LUC7L: variants seen among roughly 807,000 people sequenced by gnomAD.
The protein encoded by LUC7L is LUC7 like, also known as putative RNA-binding protein Luc7-like 1.
A neutral mutation model predicts 51.1 loss-of-function variants in LUC7L; 29 were observed. The observed-to-expected ratio is 0.57, with a 90% CI of 0.42 to 0.77. The LOEUF (loss-of-function observed/expected upper bound fraction) is 0.77. Ranked by LOEUF, LUC7L falls within the 30% of genes least tolerant of loss-of-function variation. LUC7L has a pLI of 0.00. For synonymous variants in LUC7L, 181 were observed against 180.7 expected (o/e 1.00, Z -0.01); for missense variants, 403 against 511.9 (o/e 0.79, Z 2.05).
chr16:212,153 C>T (rs1211380914), intron 3 of LUC7L, among the ~76,000 whole-genome samples: 3 of 152,094 alleles, frequency 2.0e-5, no homozygotes, highest in Non-Finnish European at 4.4e-5. Context: ...ATTACCCAGG[C>T]GTGGTGGTGC....
intron 5 of LUC7L, among the ~76,000 whole-genome samples, chr16:204,785 A>G (rs1331934408): frequency 4.6e-5 from 7 of 152,158 alleles, no homozygotes; most frequent in Non-Finnish European, 1.5e-5. Context: ...TTTTCTTGTA[A>G]TATCATGGCT....
In LUC7L at chr16:223,282, G is replaced by A. The variant is rs1355265041; in HGVS notation, c.157-2535C>T. ...GAGAATGGCATGAACCAGAGAGGCA[G>A]AGCTTGCAGTGAGTCAAGATCGCAC... is the stretch of plus-strand genomic sequence containing the variant. On this transcript the variant is annotated intron_variant, in intron 2 of 9. Coordinates refer to ENST00000293872, the MANE Select transcript of LUC7L (RefSeq NM_201412.3). 2.6e-5 allele frequency among the ~76,000 whole-genome samples: 4 copies of A among 152,088 alleles called. No homozygotes were observed. The East Asian group carries it at 7.8e-4, about 29-fold the overall frequency.
intron 6 of LUC7L, among the ~76,000 whole-genome samples, chr16:197,087 T>C (rs918724388): frequency 1.3e-5 from 2 of 151,542 alleles, no homozygotes; most frequent in Non-Finnish European, 2.9e-5. Flanking sequence ...TTTGTATTTT[T>C]AGTAGAGACG....
At chr16:226,387 G>A (rs1031842878) in intron 2 of LUC7L, among the ~76,000 whole-genome samples, 1 of 152,128 alleles carries the variant, frequency 6.6e-6, no homozygotes. Context: ...TCTCAGTGGC[G>A]TAATCACCAC....
Position 226,152 on chromosome 16 carries a change from C to T in LUC7L, c.156+1090G>A, listed in dbSNP as rs1024380413. Among the ~76,000 whole-genome samples the T allele has an allele frequency of 1.1e-4, 17 of 152,182 alleles. No individual in the cohort carries two copies. In the South Asian group the frequency reaches 3.3e-3, roughly 30 times the overall value. ...CAAGGAACAGAGGCACAAGGTTTGG[C>T]ATTCATTTCGCATTTGCTGTCAGAA... is the stretch of plus-strand genomic sequence containing the variant. On this transcript the variant is annotated intron_variant, in intron 2 of 9. Transcript: ENST00000293872.
chr16:229,327 C>A lies in LUC7L; in HGVS notation c.13G>T (p.Ala5Ser). 6.6e-7 allele frequency: 1 copy of A among 1,519,642 alleles called. No homozygotes were observed. The highest frequency in any genetic ancestry group is 8.8e-7 in the Non-Finnish European group (1 of 1,139,600). 94.1% of individuals were successfully genotyped at this position (1,519,642 alleles called of 1,614,324 possible). The change falls in exon 1 of 10, where the codon GCG becomes TCG. Residue 5 changes from alanine (A) to serine (S), a missense_variant. Ala to Ser is a moderately conservative substitution (Grantham distance 99, BLOSUM62 1). Coordinates refer to ENST00000293872, the MANE Select transcript of LUC7L (RefSeq NM_201412.3). MSAQ[A>S]QMRALLDQLM... ...TGGTCCAGCAGGGCCCGCATCTGCGCCTGGGCGGACATGGTAGCCGGCGGA... is the reference window on the plus strand; with the variant it reads ...TGGTCCAGCAGGGCCCGCATCTGCGACTGGGCGGACATGGTAGCCGGCGGA...
At chr16:218,120 G>C (rs561019473) in intron 3 of LUC7L, among the ~76,000 whole-genome samples, 2 of 151,938 alleles carry the variant, frequency 1.3e-5, no homozygotes, top group African/African-American at 4.8e-5. Context: ...TTGAACCCAG[G>C]AGGTGGAGGT....
chr16:205,891 A>C, intron 5 of LUC7L, 113 bp downstream of exon 5: 1 of 1,315,170 alleles, frequency 7.6e-7, no homozygotes, highest in South Asian at 1.4e-5. Flanking sequence ...GCTGGGCCCA[A>C]AATGTATAAA....
At position 189,256 on chromosome 16, in the gene LUC7L, C is replaced by T; in HGVS notation, c.1058G>A (p.Ser353Asn). The T allele has an allele frequency of 9.9e-6, 16 of 1,614,016 alleles. No homozygotes were observed. The highest frequency in any genetic ancestry group is 1.4e-5 in the Non-Finnish European group (16 of 1,180,012). The change falls in exon 10 of 10, where the codon AGC (serine) becomes AAC (asparagine). Residue 353 changes from serine to asparagine, a missense_variant. This residue lies in a region of LUC7L where 206 missense variants were observed against 218.3 expected (regional missense o/e 0.94). Coordinates refer to ENST00000293872, the MANE Select transcript of LUC7L (RefSeq NM_201412.3). ...CCGTGAAGCCATCTTCCCGTTGGAG[C>T]TCTCAAGCCTCCAGTCCGGGGGCCC... is the stretch of plus-strand genomic sequence containing the variant. ...ERGPPDWRLESSNGKMASRRS... is the reference protein window; with the variant it reads ...ERGPPDWRLENSNGKMASRRS...
intron 3 of LUC7L, 169 bp downstream of exon 3, chr16:220,479 AC>A: frequency 1.7e-6 from 1 of 596,154 alleles, no homozygotes; most frequent in South Asian, 2.2e-5. Context: ...AGGACGCTGG[AC>A]ACAACATATA....
chr16:203,918 A>C (rs1414923440), intron 5 of LUC7L, among the ~76,000 whole-genome samples: 1 of 151,852 alleles, frequency 6.6e-6, no homozygotes, highest in Non-Finnish European at 1.5e-5. Flanking sequence ...CGGGAGGCTG[A>C]GGCAGGAGAA....
chr16:224,894 A>G (rs2050086550), intron 2 of LUC7L, among the ~76,000 whole-genome samples: 1 of 151,904 alleles, frequency 6.6e-6, no homozygotes, highest in Non-Finnish European at 1.5e-5. Flanking sequence ...GAGCTCCCAA[A>G]AGAGTCCCTG....
chr16:195,836 T>C (rs754546324), intron 6 of LUC7L, among the ~76,000 whole-genome samples: 1 of 151,702 alleles, frequency 6.6e-6, no homozygotes, highest in Non-Finnish European at 1.5e-5. Flanking sequence ...CTACTGTGAG[T>C]GAGGCCTCCT....
chr16:219,701 C>T (rs909117691), intron 3 of LUC7L, among the ~76,000 whole-genome samples: 5 of 151,940 alleles, frequency 3.3e-5, no homozygotes, highest in Admixed American at 2.0e-4. Flanking sequence ...GGAGAAACAC[C>T]ATCTCTACTA....
rs1316613769 is a variant in LUC7L at position 220,891 on chromosome 16, A to C, written c.157-144T>G. ...TGCAATAAGAAAATTAAGAAAGGAG[A>C]TATGGCTGAGAAGCCTCATTTCACT... On this transcript the variant is annotated intron_variant, in intron 2 of 9. Transcript: ENST00000293872. 1.3e-5 allele frequency: 8 copies of C among 618,764 alleles called. No individual in the cohort carries two copies. In the Admixed American group the frequency reaches 2.5e-4, roughly 19 times the overall value. 38.3% of individuals were successfully genotyped at this position (618,764 alleles called of 1,614,324 possible). A position where few individuals can be genotyped will look rare whatever the true frequency, so the allele number is the denominator to read the frequency against.
At chr16:196,984 T>G (rs1001498185) in intron 6 of LUC7L, among the ~76,000 whole-genome samples, 28 of 149,986 alleles carry the variant, frequency 1.9e-4, no homozygotes, top group African/African-American at 6.7e-4. Context: ...TTCGGCTCAG[T>G]GCAAGCTCCG....
intron 1 of LUC7L, chr16:228,564 T>G (rs1567197118): frequency 2.5e-6 from 3 of 1,196,402 alleles, no homozygotes; most frequent in Non-Finnish European, 3.2e-6. Flanking sequence ...AATGTGCCAG[T>G]GTGAACTTAC....
intron 2 of LUC7L, among the ~76,000 whole-genome samples, chr16:224,424 CAGG>C (rs1244737021): frequency 7.9e-5 from 12 of 151,578 alleles, no homozygotes; most frequent in Admixed American, 5.9e-4. Flanking sequence ...GAGGCTGAGG[CAGG>C]AGAATTGCTT....
intron 2 of LUC7L, among the ~76,000 whole-genome samples, chr16:221,672 C>T (rs540918476): frequency 6.6e-6 from 1 of 151,934 alleles, no homozygotes; most frequent in South Asian, 2.1e-4. Flanking sequence ...CACTGCACTC[C>T]AGCCTGGGTG....
Sources: gnomAD v4.1 joint callset for allele counts (sites outside exome capture counted in the v4.1 genomes callset) on GRCh38, gnomAD v4.1.1 for gene constraint, gnomAD v4.1.1 regional missense constraint, MANE v1.5 for transcripts, NCBI Gene and HGNC (gene_info 2026-07-23, HGNC 2026-07-21) for gene names.